The following CATSPER3 variants were observed in gnomAD, a reference collection of about 807,000 sequenced individuals.
CATSPER3 encodes cation channel sperm associated 3, also known as cation channel sperm-associated protein 3.
CATSPER3 carries 23 observed loss-of-function variants against 36.6 expected under a neutral mutation model. The ratio of observed to expected loss-of-function variants is 0.63; its 90% CI spans 0.45 to 0.89. The LOEUF (loss-of-function observed/expected upper bound fraction) is 0.89. Ranked by LOEUF, CATSPER3 falls within the 40% of genes least tolerant of loss-of-function variation. The pLI is 0.00. For missense variants in CATSPER3, 474 were observed against 503.9 expected (o/e 0.94, Z 0.57); for synonymous variants, 172 against 184.1 (o/e 0.93, Z 0.53).
Position 135,008,830 on chromosome 5 carries a change from TGCCTGA to T in CATSPER3, c.676-8_676-3del, listed in dbSNP as rs781747969. The T allele has an allele frequency of 4.3e-6, 7 of 1,614,050 alleles. No individual in the cohort carries two copies. Among genetic ancestry groups the T allele is most frequent in the Non-Finnish European group, 5.9e-6 (7 of 1,179,938 alleles). The stretch of plus-strand genomic sequence containing the variant: ...TCTGGGCCCTCAGCATACTCTTCCC[TGCCTGA>T]GCAGGTTGATGGCTGGACAGACCTG... On this transcript the variant is annotated splice_polypyrimidine_tract_variant and splice_region_variant and intron_variant, in intron 4 of 7. Transcript: ENST00000282611.
rs1751944342 is a variant in CATSPER3, at chr5:134,996,269, G to A, written c.253-4G>A. On this transcript the variant is annotated splice_region_variant and splice_polypyrimidine_tract_variant and intron_variant, in intron 2 of 7. Coordinates refer to ENST00000282611, the MANE Select transcript of CATSPER3 (RefSeq NM_178019.3). ...GACTTCTCCAACCCTTGCTACCCCT[G>A]TAGTTCTCGGAGATCTTCTTTGTGT... is the stretch of plus-strand genomic sequence containing the variant. The A allele has an allele frequency of 6.2e-7, 1 of 1,614,232 alleles. No homozygotes were observed. Among genetic ancestry groups the A allele is most frequent in the Non-Finnish European group, 8.5e-7 (1 of 1,180,044 alleles).
intron 2 of CATSPER3, among the ~76,000 whole-genome samples, chr5:134,992,033 G>T (rs1197842997): frequency 6.6e-6 from 1 of 151,660 alleles, no homozygotes; most frequent in Non-Finnish European, 1.5e-5. Context: ...GAGGTGTGAG[G>T]ATCGCTTGAG....
chr5:135,011,540 G>C lies in CATSPER3; in HGVS notation c.1114G>C (p.Glu372Gln). Residue 372 changes from glutamate (E) to glutamine (Q), a missense_variant, in exon 8 of 8, where the codon GAG (glutamate) becomes CAG (glutamine). Physicochemically the swap from Glu to Gln is conservative, Grantham distance 29. Transcript: ENST00000282611. The part of the protein sequence containing the change: ...TVHKLQELYY[E>Q]IVHVLSLMLE... ...TTTCAGGCTTCAAGAGCTGTACTAT[G>C]AGATCGTGCATGTGCTGAGCCTAAT... The C allele has an allele frequency of 1.9e-6, 3 of 1,613,888 alleles. No individual in the cohort carries two copies. The highest frequency in any genetic ancestry group is 2.5e-6 in the Non-Finnish European group (3 of 1,179,778).
At chr5:134,987,956 C>T (rs1010171125) in intron 2 of CATSPER3, among the ~76,000 whole-genome samples, 32 of 151,758 alleles carry the variant, frequency 2.1e-4, no homozygotes, top group African/African-American at 6.8e-4. Flanking sequence ...AGTCATCAGG[C>T]GAGAAAAAGA....
At chr5:134,984,375 G>A (rs1418834825) in intron 2 of CATSPER3, among the ~76,000 whole-genome samples, 2 of 152,104 alleles carry the variant, frequency 1.3e-5, no homozygotes, top group Non-Finnish European at 2.9e-5. Context: ...TTATGCATCT[G>A]ACAAAGGAAT....
chr5:134,983,971 C>T (rs1402415039), intron 2 of CATSPER3, among the ~76,000 whole-genome samples: 3 of 152,096 alleles, frequency 2.0e-5, no homozygotes, highest in Non-Finnish European at 4.4e-5. Flanking sequence ...ATAGAGAACC[C>T]AGAAATAAGG....
At chr5:134,970,991 C>G (rs900883108) in intron 2 of CATSPER3, among the ~76,000 whole-genome samples, 2 of 151,924 alleles carry the variant, frequency 1.3e-5, no homozygotes, top group East Asian at 3.9e-4. Flanking sequence ...GCTCTGTCAC[C>G]CAGGCTGGAG....
Position 134,981,643 on chromosome 5 carries a change from C to T in CATSPER3, c.252+11551C>T, listed in dbSNP as rs560374465. ...AGTAAATACAACTCACATAAAGCAA[C>T]AAAAACAAACCATGAGGAGGGGGAA... On this transcript the variant is annotated intron_variant, in intron 2 of 7. Coordinates refer to ENST00000282611, the MANE Select transcript of CATSPER3 (RefSeq NM_178019.3). Among the ~76,000 whole-genome samples the T allele has an allele frequency of 2.6e-5, 4 of 152,244 alleles. No individual in the cohort carries two copies. The East Asian group carries it at 7.7e-4, about 29-fold the overall frequency.
At chr5:134,987,795 C>G (rs1233915765) in intron 2 of CATSPER3, among the ~76,000 whole-genome samples, 3 of 152,126 alleles carry the variant, frequency 2.0e-5, no homozygotes, top group Non-Finnish European at 2.9e-5. Flanking sequence ...AAAGGAAATT[C>G]CTTAACTTGA....
chr5:134,969,533 T>C (rs1212395382), intron 1 of CATSPER3: 1 of 264,558 alleles, frequency 3.8e-6, no homozygotes, highest in African/African-American at 2.2e-5. Context: ...TATGGGTGAT[T>C]ATTTGATGAT....
chr5:135,004,675 C>T (rs191388433), intron 3 of CATSPER3, among the ~76,000 whole-genome samples: 3 of 152,252 alleles, frequency 2.0e-5, no homozygotes, highest in Admixed American at 2.0e-4. Flanking sequence ...GGCCTGGCAT[C>T]TTCCATAAAG....
At chr5:134,974,013 A>G (rs934433527) in intron 2 of CATSPER3, among the ~76,000 whole-genome samples, 11 of 152,334 alleles carry the variant, frequency 7.2e-5, no homozygotes, top group Non-Finnish European at 1.5e-4. Flanking sequence ...CCCTTAATAA[A>G]TGAAAAAGAA....
At chr5:135,001,138 T>C (rs1752014580) in intron 3 of CATSPER3, among the ~76,000 whole-genome samples, 1 of 152,244 alleles carries the variant, frequency 6.6e-6, no homozygotes, top group Non-Finnish European at 1.5e-5. Flanking sequence ...TTGTTCTCCT[T>C]GTTTTCAAAG....
At chr5:134,980,433 CTTTT>C (rs1172133000) in intron 2 of CATSPER3, among the ~76,000 whole-genome samples, 3 of 93,134 alleles carry the variant, frequency 3.2e-5, no homozygotes, top group Non-Finnish European at 4.4e-5. Context: ...TTCTTTCTTT[CTTTT>C]TTTTTTTTTT....
At chr5:135,004,361 C>A (rs1339911763) in intron 3 of CATSPER3, among the ~76,000 whole-genome samples, 2 of 152,170 alleles carry the variant, frequency 1.3e-5, no homozygotes, top group Non-Finnish European at 1.5e-5. Context: ...ATCATAGCAT[C>A]CTAGGTTTCA....
At chr5:134,971,054 A>G (rs1021993583) in intron 2 of CATSPER3, among the ~76,000 whole-genome samples, 2 of 151,604 alleles carry the variant, frequency 1.3e-5, no homozygotes. Flanking sequence ...GGTTCACGCC[A>G]TTCTCCTGCC....
intron 2 of CATSPER3, among the ~76,000 whole-genome samples, chr5:134,976,493 C>T (rs536175928): frequency 6.6e-6 from 1 of 152,342 alleles, no homozygotes; most frequent in Admixed American, 6.5e-5. Flanking sequence ...ACAGTGCACT[C>T]CCTGTGTCTG....
chr5:134,971,393 C>T (rs1407972000), intron 2 of CATSPER3, among the ~76,000 whole-genome samples: 3 of 152,096 alleles, frequency 2.0e-5, no homozygotes, highest in Non-Finnish European at 4.4e-5. Context: ...TGCACTCTGG[C>T]CTGGGCAACA....
intron 7 of CATSPER3, 115 bp downstream of exon 7, chr5:135,010,645 G>A: frequency 2.2e-6 from 2 of 919,040 alleles, no homozygotes; most frequent in South Asian, 2.7e-5. Flanking sequence ...GGCAGTGGGT[G>A]GGTGGAACAT....
Sources: gnomAD v4.1 joint callset for allele counts (sites outside exome capture counted in the v4.1 genomes callset) on GRCh38, gnomAD v4.1.1 for gene constraint, MANE v1.5 for transcripts, NCBI Gene and HGNC (gene_info 2026-07-23, HGNC 2026-07-21) for gene names.